Variants in PRKCE observed in about 807,000 individuals in gnomAD.
The protein encoded by PRKCE is protein kinase C epsilon, also known as protein kinase C epsilon type.
PRKCE carries 16 observed loss-of-function variants against 85.4 expected under a neutral mutation model. That is an observed-to-expected ratio of 0.19 (90% CI 0.13 to 0.28). PRKCE has a LOEUF of 0.28. Ranked by LOEUF, PRKCE falls within the 10% of genes least tolerant of loss-of-function variation. The pLI, the probability that PRKCE is intolerant of heterozygous loss-of-function variation, is 1.00. For synonymous variants in PRKCE, 388 were observed against 371.5 expected (o/e 1.04, Z -0.51); for missense variants, 573 against 975.2 (o/e 0.59, Z 5.49).
chr2:45,845,263 G>A (rs1691686421), intron 2 of PRKCE: 1 of 152,050 alleles, frequency 6.6e-6, no homozygotes, highest in African/African-American at 2.4e-5. Context: ...GCAAGGGGAG[G>A]CCCTAGAGAA....
At chr2:45,660,139 T>C (rs576299255) in intron 1 of PRKCE, among the ~76,000 whole-genome samples, 3 of 152,184 alleles carry the variant, frequency 2.0e-5, no homozygotes, top group Admixed American at 6.5e-5. Context: ...TTGGTAGATA[T>C]GGGGTTTGGT....
At chr2:46,095,924 G>A (rs74976920) in intron 11 of PRKCE, among the ~76,000 whole-genome samples, 4,469 of 152,314 alleles carry the variant, frequency 0.029, 216 homozygotes, top group African/African-American at 0.099. Context: ...CTTTGCACAT[G>A]TTACTTATTG....
At chr2:46,158,096 C>A (rs866252534) in intron 13 of PRKCE, among the ~76,000 whole-genome samples, 2 of 152,206 alleles carry the variant, frequency 1.3e-5, no homozygotes, top group Non-Finnish European at 2.9e-5. Flanking sequence ...AGGCACTGAG[C>A]CAGGTTTGGG....
At position 45,744,691 on chromosome 2, in the gene PRKCE, C is replaced by G. The variant is rs116617462; in HGVS notation, c.348+92243C>G. Reference sequence around the variant, plus strand: ...GGTGCCGTCTCCGGCTCACTGCAACCTCCGTCTCCAGAGCTCAAGCGATTC... The same window carrying G: ...GGTGCCGTCTCCGGCTCACTGCAACGTCCGTCTCCAGAGCTCAAGCGATTC... On this transcript the variant is annotated intron_variant, in intron 1 of 14. Coordinates refer to ENST00000306156, the MANE Select transcript of PRKCE (RefSeq NM_005400.3). Among the ~76,000 whole-genome samples, 1,455 of 151,802 alleles carry G rather than the reference C, an allele frequency of 9.6e-3. 32 individuals carry two copies. Among genetic ancestry groups the G allele is most frequent in the African/African-American group, 0.034 (1,403 of 41,318 alleles).
chr2:46,087,395 G>T (rs1015623186), intron 11 of PRKCE, among the ~76,000 whole-genome samples: 5 of 152,170 alleles, frequency 3.3e-5, no homozygotes, highest in African/African-American at 1.2e-4. Flanking sequence ...TCCTCTGAAA[G>T]ATATCCAGGT....
At chr2:45,866,088 G>A (rs946292922) in intron 2 of PRKCE, among the ~76,000 whole-genome samples, 2 of 151,928 alleles carry the variant, frequency 1.3e-5, no homozygotes, top group Non-Finnish European at 2.9e-5. Flanking sequence ...CCAAAGTGCT[G>A]GGATTACAGG....
At chr2:45,664,679 T>C (rs865825656) in intron 1 of PRKCE, among the ~76,000 whole-genome samples, 7 of 152,348 alleles carry the variant, frequency 4.6e-5, no homozygotes, top group Middle Eastern at 3.4e-3. Context: ...TCCCTTGGAC[T>C]GGCTTCTGTC....
At chr2:45,695,843 TG>T (rs1245509367) in intron 1 of PRKCE, among the ~76,000 whole-genome samples, 1 of 152,056 alleles carries the variant, frequency 6.6e-6, no homozygotes. Flanking sequence ...GGGAAGAGGG[TG>T]GAGAGCAGAA....
intron 1 of PRKCE, among the ~76,000 whole-genome samples, chr2:45,757,305 CAAAAAAAAAA>C (rs35603923): frequency 1.1e-3 from 56 of 50,810 alleles, no homozygotes; most frequent in African/African-American, 3.7e-3. Flanking sequence ...AGACTGTCTC[CAAAAAAAAAA>C]AAAAAAAAAA....
chr2:46,021,126 G>T (rs1309199827), intron 10 of PRKCE, among the ~76,000 whole-genome samples: 1 of 152,150 alleles, frequency 6.6e-6, no homozygotes, highest in African/African-American at 2.4e-5. Flanking sequence ...GAGTTTGGGG[G>T]CAGGAGGCAT....
intron 1 of PRKCE, among the ~76,000 whole-genome samples, chr2:45,677,500 G>T (rs1371637504): frequency 6.6e-6 from 1 of 152,096 alleles, no homozygotes; most frequent in East Asian, 1.9e-4. Context: ...GGGACTACAG[G>T]CGCCCGCCAC....
chr2:45,744,461 CTTTCT>C (rs1682899849), intron 1 of PRKCE, among the ~76,000 whole-genome samples: 1 of 56,374 alleles, frequency 1.8e-5, no homozygotes, highest in African/African-American at 8.0e-5. Context: ...TTCTTTCTTT[CTTTCT>C]TTCTTTCTTT....
At chr2:45,869,406 A>C (rs909789194) in intron 2 of PRKCE, among the ~76,000 whole-genome samples, 1 of 152,240 alleles carries the variant, frequency 6.6e-6, no homozygotes, top group African/African-American at 2.4e-5. Context: ...GTAATCGCTC[A>C]TAACAATGAA....
intron 14 of PRKCE, among the ~76,000 whole-genome samples, chr2:46,179,173 T>C (rs1679722933): frequency 6.6e-6 from 1 of 151,094 alleles, no homozygotes; most frequent in Admixed American, 6.6e-5. Context: ...GATCAGGGAG[T>C]TTTCTCAGTG....
At position 46,184,434 on chromosome 2, in the gene PRKCE, A is replaced by AC. The variant is rs1680293877; in HGVS notation, c.2068-301_2068-300insC. On this transcript the variant is annotated intron_variant, in intron 14 of 14. Coordinates refer to ENST00000306156, the MANE Select transcript of PRKCE (RefSeq NM_005400.3). The surrounding 1 kb of genome is among the most constrained non-coding windows in gnomAD (Gnocchi z 5.0). ...GGGACCTTTGCATCATACACACACA[A>AC]ACACACACACACACACACACACACA... Among the ~76,000 whole-genome samples, 33 of 149,196 alleles carry AC rather than the reference A, an allele frequency of 2.2e-4. No homozygotes were observed. The East Asian group carries it at 4.6e-3, about 21-fold the overall frequency.
chr2:45,703,295 G>A (rs1678829220), intron 1 of PRKCE, among the ~76,000 whole-genome samples: 1 of 152,050 alleles, frequency 6.6e-6, no homozygotes, highest in South Asian at 2.1e-4. Context: ...AGCACTTTGG[G>A]AGCCTGAGGC....
In PRKCE at chr2:45,992,585, T is replaced by C. The variant is rs141868964; in HGVS notation, c.823+7905T>C. On this transcript the variant is annotated intron_variant, in intron 6 of 14. Transcript: ENST00000306156. ...AGCTTGGCATGACTGGAACCTGTTA[T>C]GAAATCAAACCATTGCCCTGGCTCA... Among the ~76,000 whole-genome samples the C allele has an allele frequency of 4.6e-3, 706 of 152,336 alleles. 3 individuals carry two copies. The highest frequency in any genetic ancestry group is 6.4e-3 in the Non-Finnish European group (437 of 68,038).
chr2:45,978,952 A>T (rs775496952), intron 3 of PRKCE, 24 bp from the exon 4 acceptor site: 2 of 1,596,634 alleles, frequency 1.3e-6, no homozygotes, highest in South Asian at 2.2e-5. Context: ...ACTTTTTTTA[A>T]AAAAATGTTA....
chr2:45,856,736 A>C (rs1692712398), intron 2 of PRKCE, among the ~76,000 whole-genome samples: 1 of 152,080 alleles, frequency 6.6e-6, no homozygotes, highest in Non-Finnish European at 1.5e-5. Flanking sequence ...TCTGGTAGCC[A>C]CTATTTTACT....
Sources: gnomAD v4.1 joint callset for allele counts (sites outside exome capture counted in the v4.1 genomes callset) on GRCh38, gnomAD v4.1.1 for gene constraint, Gnocchi (gnomAD v3.1) non-coding constraint, MANE v1.5 for transcripts, NCBI Gene and HGNC (gene_info 2026-07-23, HGNC 2026-07-21) for gene names.